Variants in HECTD2 observed in about 807,000 individuals in gnomAD.
HECTD2 encodes probable E3 ubiquitin-protein ligase HECTD2.
In HECTD2, 35 loss-of-function variants were observed where a neutral mutation model predicts 103.2. The ratio of observed to expected loss-of-function variants is 0.34; its 90% CI spans 0.26 to 0.45. The LOEUF (loss-of-function observed/expected upper bound fraction) is 0.45. Among genes scored for constraint, HECTD2 ranks in the 20% least tolerant of loss-of-function variants. The pLI is 1.00. For synonymous variants in HECTD2, 281 were observed against 329.9 expected (o/e 0.85, Z 1.61); for missense variants, 596 against 937.4 (o/e 0.64, Z 4.76).
chr10:91,501,083 T>C, intron 19 of HECTD2, 108 bp from the exon 20 acceptor site: 2 of 853,766 alleles, frequency 2.3e-6, no homozygotes, highest in South Asian at 3.2e-5. Flanking sequence ...AAATTCAGGA[T>C]ATTATGTATG....
chr10:91,474,612 G>C (rs1349605589), intron 5 of HECTD2, among the ~76,000 whole-genome samples: 2 of 152,108 alleles, frequency 1.3e-5, no homozygotes, highest in African/African-American at 4.8e-5. Context: ...GCAAAGAGTT[G>C]AGCAGTTAGT....
intron 20 of HECTD2, 117 bp downstream of exon 20, chr10:91,501,451 C>A (rs1013080768): frequency 1.8e-5 from 11 of 613,798 alleles, no homozygotes; most frequent in Admixed American, 7.5e-5. Flanking sequence ...ATAGAAAAAT[C>A]TTCAGAGTAA....
intron 6 of HECTD2, among the ~76,000 whole-genome samples, chr10:91,479,340 A>C (rs566331277): frequency 6.6e-6 from 1 of 152,336 alleles, no homozygotes; most frequent in South Asian, 2.1e-4. Flanking sequence ...TCTGTAACAT[A>C]AATTTCAGAA....
intron 20 of HECTD2, among the ~76,000 whole-genome samples, chr10:91,504,155 G>A (rs1589551665): frequency 2.0e-5 from 3 of 152,184 alleles, no homozygotes; most frequent in African/African-American, 7.2e-5. Flanking sequence ...ACCAAAAGTA[G>A]ATAAAACCAC....
chr10:91,451,286 C>A (rs1844813824), intron 2 of HECTD2, among the ~76,000 whole-genome samples: 1 of 152,076 alleles, frequency 6.6e-6, no homozygotes, highest in Non-Finnish European at 1.5e-5. Context: ...AAACCGAACA[C>A]CACATGTTCT....
chr10:91,462,296 A>T lies in HECTD2; in HGVS notation c.600+112A>T, dbSNP rs1050346936. 11 of 1,218,334 alleles carry T rather than the reference A, an allele frequency of 9.0e-6. No individual in the cohort carries two copies. The East Asian group carries it at 2.3e-4, about 25-fold the overall frequency. 75.5% of individuals were successfully genotyped at this position (1,218,334 alleles called of 1,614,324 possible). A position where few individuals can be genotyped will look rare whatever the true frequency, so the allele number is the denominator to read the frequency against. On this transcript the variant is annotated intron_variant, in intron 5 of 20. Transcript: ENST00000298068. The stretch of plus-strand genomic sequence containing the variant: ...ATAATTACCTTAGAAACTCTGATAC[A>T]ATTTTATAGTAAATGTAGCTGGAAT...
chr10:91,410,564 C>T lies in HECTD2; in HGVS notation c.126C>T (p.Ala42=), dbSNP rs910048235. ...EKLPPIVSAG[A]GATAGLDRGA... ...TGCCGCCCATCGTATCGGCGGGCGC[C>T]GGCGCGACCGCGGTAGGTGGTGGGC... The change falls in exon 1 of 21, where the codon GCC becomes GCT. Residue 42 remains alanine (A), a synonymous_variant. Coordinates refer to ENST00000298068, the MANE Select transcript of HECTD2 (RefSeq NM_182765.6). 4 of 1,432,280 alleles carry T rather than the reference C, an allele frequency of 2.8e-6. No individual in the cohort carries two copies. The highest frequency in any genetic ancestry group is 1.5e-5 in the African/African-American group (1 of 67,390). 88.7% of individuals were successfully genotyped at this position (1,432,280 alleles called of 1,614,324 possible). A position where few individuals can be genotyped will look rare whatever the true frequency, so the allele number is the denominator to read the frequency against.
In HECTD2 at chr10:91,512,503, A is replaced by ATTAAG. The variant is rs534687535; in HGVS notation, c.*122_*126dup. 6.1e-4 allele frequency: 587 copies of ATTAAG among 956,892 alleles called. 3 individuals carry two copies. In the African/African-American group the frequency reaches 8.1e-3, roughly 13 times the overall value. The allele number at this position is 956,892 out of a possible 1,614,324, so 59.3% of individuals were successfully genotyped here. A position where few individuals can be genotyped will look rare whatever the true frequency, so the allele number is the denominator to read the frequency against. On this transcript the variant is annotated 3_prime_UTR_variant, in exon 21 of 21. Coordinates refer to ENST00000298068, the MANE Select transcript of HECTD2 (RefSeq NM_182765.6). ...TGACAAAGCTCACCAACTTTAAAAT[A>ATTAAG]TTAAGTTTTTAAAAAATCAAATATG...
Position 91,487,731 on chromosome 10 carries a change from A to G in HECTD2, c.1144A>G (p.Ile382Val), listed in dbSNP as rs1846316943. 6.2e-7 allele frequency: 1 copy of G among 1,612,496 alleles called. No individual in the cohort carries two copies. The highest frequency in any genetic ancestry group is 1.3e-5 in the African/African-American group (1 of 74,826). ...PFVISVAAKK[I>V]IIQRDSEQQM... Reference sequence around the variant, plus strand: ...CGTTATTTCTGTAGCTGCAAAAAAAATCATTATTCAGAGAGACTCAGAGCA... The same window carrying G: ...CGTTATTTCTGTAGCTGCAAAAAAAGTCATTATTCAGAGAGACTCAGAGCA... The change falls in exon 11 of 21, where the codon ATC (isoleucine) becomes GTC (valine). Residue 382 changes from isoleucine to valine, a missense_variant. Ile to Val is a conservative substitution (Grantham distance 29, BLOSUM62 3). Transcript: ENST00000298068. The surrounding 1 kb of genome is among the most constrained non-coding windows in gnomAD (Gnocchi z 4.1).
chr10:91,431,670 A>T (rs11186567), intron 2 of HECTD2, among the ~76,000 whole-genome samples: 1 of 151,868 alleles, frequency 6.6e-6, no homozygotes, highest in Non-Finnish European at 1.5e-5. Context: ...AGTTGATCGC[A>T]TCGGCTCCTG....
chr10:91,412,452 A>AG (rs1043537944), intron 1 of HECTD2, among the ~76,000 whole-genome samples: 4 of 136,982 alleles, frequency 2.9e-5, no homozygotes, highest in African/African-American at 1.4e-4. Context: ...ACAAAACTTG[A>AG]GGGTTTTTTT....
Position 91,410,661 on chromosome 10 carries a change from T to G in HECTD2, c.138+85T>G, listed in dbSNP as rs1250186345. The G allele has an allele frequency of 6.4e-6, 8 of 1,240,412 alleles. No homozygotes were observed. In the South Asian group the frequency reaches 1.3e-4, roughly 21 times the overall value. The allele number at this position is 1,240,412 out of a possible 1,614,324, so 76.8% of individuals were successfully genotyped here. A position where few individuals can be genotyped will look rare whatever the true frequency, so the allele number is the denominator to read the frequency against. The stretch of plus-strand genomic sequence containing the variant: ...GCCGGGCGAGGGCCGTCAGGAGGCC[T>G]GCGTTTACCCTGGGCACGCCCTGGC... On this transcript the variant is annotated intron_variant, in intron 1 of 20. Transcript: ENST00000298068.
chr10:91,472,292 T>C (rs1845755681), intron 5 of HECTD2, among the ~76,000 whole-genome samples: 2 of 152,170 alleles, frequency 1.3e-5, no homozygotes, highest in African/African-American at 4.8e-5. Flanking sequence ...TTTCACAATA[T>C]ACAAAAATCA....
intron 12 of HECTD2, 87 bp from the exon 13 acceptor site, chr10:91,492,265 C>G: frequency 8.0e-7 from 1 of 1,252,012 alleles, no homozygotes; most frequent in Non-Finnish European, 1.1e-6. Flanking sequence ...AAGTTAAAGA[C>G]TGCCTAACAC....
chr10:91,430,670 A>T (rs1214246591), intron 2 of HECTD2, among the ~76,000 whole-genome samples: 2 of 151,900 alleles, frequency 1.3e-5, no homozygotes, highest in African/African-American at 4.8e-5. Context: ...TTTTGGTTTA[A>T]AGTCTGTTTT....
chr10:91,502,385 C>G (rs749712318), intron 20 of HECTD2, among the ~76,000 whole-genome samples: 6 of 152,072 alleles, frequency 3.9e-5, no homozygotes, highest in Non-Finnish European at 7.4e-5. Context: ...TCTGTAAAGC[C>G]AAAAGTCATT....
At chr10:91,500,222 G>T (rs1258274804) in intron 18 of HECTD2, among the ~76,000 whole-genome samples, 1 of 152,172 alleles carries the variant, frequency 6.6e-6, no homozygotes, top group African/African-American at 2.4e-5. Flanking sequence ...GGAGCTTCAT[G>T]CTGGTTTTTG....
At position 91,467,768 on chromosome 10, in the gene HECTD2, C is replaced by G. The variant is rs186252968; in HGVS notation, c.600+5584C>G. Among the ~76,000 whole-genome samples, 5 of 152,264 alleles carry G rather than the reference C, an allele frequency of 3.3e-5. No homozygotes were observed. In the East Asian group the frequency reaches 5.8e-4, roughly 18 times the overall value. On this transcript the variant is annotated intron_variant, in intron 5 of 20. Coordinates refer to ENST00000298068, the MANE Select transcript of HECTD2 (RefSeq NM_182765.6). Reference sequence around the variant, plus strand: ...TTCTCCCCACCAGTATGTGTGCGTACCCCACCAGGCTACTGCTGCATGAGT... The same window carrying G: ...TTCTCCCCACCAGTATGTGTGCGTAGCCCACCAGGCTACTGCTGCATGAGT...
At chr10:91,450,405 C>A (rs567481509) in intron 2 of HECTD2, among the ~76,000 whole-genome samples, 43 of 152,184 alleles carry the variant, frequency 2.8e-4, no homozygotes, top group African/African-American at 7.7e-4. Context: ...AATGTAAAAC[C>A]TAATACTGTG....
Sources: allele counts gnomAD v4.1 joint callset (sites outside exome capture counted in the v4.1 genomes callset), GRCh38; gene constraint gnomAD v4.1.1; non-coding constraint Gnocchi (gnomAD v3.1); transcripts MANE v1.5; gene names NCBI Gene and HGNC (gene_info 2026-07-23, HGNC 2026-07-21).